The following PASD1 variants were observed in gnomAD, a reference collection of about 807,000 sequenced individuals.
PASD1 encodes circadian clock protein PASD1.
Under a neutral mutation model 58.8 loss-of-function variants are expected in PASD1, and 13 were observed. The observed-to-expected ratio is 0.22, with a 90% CI of 0.14 to 0.35. The LOEUF (loss-of-function observed/expected upper bound fraction) is 0.35, where lower values mean the gene tolerates loss of function less well. PASD1 is among the 10% of genes least tolerant of loss of function. The pLI is 1.00. For synonymous variants in PASD1, 236 were observed against 216.7 expected (o/e 1.09, Z -0.78); for missense variants, 734 against 568.3 (o/e 1.29, Z -2.96).
At chrX:151,581,962 T>TTGAATC (rs1397746039) in intron 1 of PASD1, among the ~76,000 whole-genome samples, 3 of 102,206 alleles carry the variant, frequency 2.9e-5, no homozygotes, top group African/African-American at 1.1e-4. Context: ...TAATATGTCC[T>TTGAATC]TGAATCTTTT....
chrX:151,653,778 C>CTT (rs2014175800), intron 9 of PASD1, among the ~76,000 whole-genome samples: 1 of 13,937 alleles, frequency 7.2e-5, no homozygotes, highest in East Asian at 3.9e-3. Context: ...TTCTTTCTTT[C>CTT]TTTCTTTCTT....
At chrX:151,573,631 A>G (rs1299166440) in intron 1 of PASD1, among the ~76,000 whole-genome samples, 1 of 112,662 alleles carries the variant, frequency 8.9e-6, no homozygotes, top group Non-Finnish European at 1.9e-5. Flanking sequence ...ATTGGAGAAG[A>G]TGCTTTGGGG....
At position 151,672,232 on chromosome X, in the gene PASD1, TGCGGGAGCA is replaced by T. The variant is rs1198337866; in HGVS notation, c.1490_1498del (p.Arg497_Gln499del). On this transcript the variant is annotated inframe_deletion, in exon 14 of 16. Transcript: ENST00000370357. ...CACCTGAAGGAGCAGCAGCGGCAGC[TGCGGGAGCA>T]GCTGCAACAGCTGAGAGAGCAAAGG... is the stretch of plus-strand genomic sequence containing the variant. The T allele has an allele frequency of 2.4e-5, 27 of 1,138,000 alleles. No homozygotes were observed. The highest frequency in any genetic ancestry group is 6.6e-5 in the East Asian group (2 of 30,395). The allele number at this position is 1,138,000 out of a possible 1,213,427, so 93.8% of individuals were successfully genotyped here.
At position 151,674,582 on chromosome X, in the gene PASD1, A is replaced by C. The variant is rs759552232; in HGVS notation, c.2175+396A>C. Among the ~76,000 whole-genome samples, 310 of 112,685 alleles carry C rather than the reference A, an allele frequency of 2.8e-3. 3 individuals are homozygous for C. The highest frequency in any genetic ancestry group is 4.4e-3 in the Non-Finnish European group (237 of 53,301). On this transcript the variant is annotated intron_variant, in intron 15 of 15. Coordinates refer to ENST00000370357, the MANE Select transcript of PASD1 (RefSeq NM_173493.3). ...GTAGGTATGTTTCCTTGTACTAAAA[A>C]TAAACTTAGGGCCCCTCTGTTGAAT...
chrX:151,669,640 G>A lies in PASD1; in HGVS notation c.1072-1398G>A, dbSNP rs767311773. Among the ~76,000 whole-genome samples, 7 of 111,440 alleles carry A rather than the reference G, an allele frequency of 6.3e-5. No individual in the cohort carries two copies. In the East Asian group the frequency reaches 2.0e-3, roughly 31 times the overall value. On this transcript the variant is annotated intron_variant, in intron 11 of 15. Coordinates refer to ENST00000370357, the MANE Select transcript of PASD1 (RefSeq NM_173493.3). ...AACTTTCACATATGAGTGAGAACATGTGATATTTGTCTTTCTGTACCTGGC... is the reference window on the plus strand; with the variant it reads ...AACTTTCACATATGAGTGAGAACATATGATATTTGTCTTTCTGTACCTGGC...
At chrX:151,639,298 T>C (rs2013969684) in intron 8 of PASD1, among the ~76,000 whole-genome samples, 1 of 112,456 alleles carries the variant, frequency 8.9e-6, no homozygotes, top group African/African-American at 3.2e-5. Context: ...CTTATTACAA[T>C]TTTTAACTTT....
chrX:151,657,020 G>C (rs1167360206), intron 9 of PASD1, among the ~76,000 whole-genome samples: 1 of 111,568 alleles, frequency 9.0e-6, no homozygotes, highest in Non-Finnish European at 1.9e-5. Context: ...TTATTATTTT[G>C]AGATACGTCC....
intron 9 of PASD1, among the ~76,000 whole-genome samples, chrX:151,653,868 C>CTCTTTCTTTCTTTCTTTCT (rs2014193249): frequency 6.1e-5 from 1 of 16,462 alleles, no homozygotes; most frequent in African/African-American, 2.2e-4. Flanking sequence ...CCCTCCCTCC[C>CTCTTTCTTTCTTTCTTTCT]TCTTTCTTTC....
At chrX:151,650,884 G>A (rs7061481) in intron 9 of PASD1, among the ~76,000 whole-genome samples, 2,192 of 111,157 alleles carry the variant, frequency 0.02, 20 homozygotes, top group African/African-American at 0.041. Flanking sequence ...TTGAGATTGA[G>A]GTGAGAGTAT....
Position 151,674,078 on chromosome X carries a change from C to T in PASD1, c.2067C>T (p.Tyr689=). The T allele has an allele frequency of 1.2e-5, 15 of 1,211,920 alleles. No homozygotes were observed. The highest frequency in any genetic ancestry group is 1.7e-5 in the Non-Finnish European group (15 of 895,380). Residue 689 remains tyrosine, a synonymous_variant, in exon 15 of 16, where the codon TAC becomes TAT. Coordinates refer to ENST00000370357, the MANE Select transcript of PASD1 (RefSeq NM_173493.3). ...GCACCCTGGAGACCCCACAGGATTA[C>T]ATCCGGCTTTGGCAAGAGTTGTCTG... ...TISTLETPQD[Y]IRLWQELSDS...
intron 1 of PASD1, among the ~76,000 whole-genome samples, chrX:151,601,169 T>G (rs1320082604): frequency 3.6e-5 from 4 of 112,593 alleles, no homozygotes; most frequent in Non-Finnish European, 5.6e-5. Context: ...TTAAATGAAT[T>G]TAAGGGTATG....
At chrX:151,655,623 C>T (rs1467966219) in intron 9 of PASD1, among the ~76,000 whole-genome samples, 1 of 112,171 alleles carries the variant, frequency 8.9e-6, no homozygotes, top group African/African-American at 3.2e-5. Context: ...TGCATTTTTT[C>T]ATGTGTCTTT....
chrX:151,585,597 G>A (rs999788501), intron 1 of PASD1, among the ~76,000 whole-genome samples: 2 of 111,064 alleles, frequency 1.8e-5, no homozygotes, highest in Non-Finnish European at 3.8e-5. Context: ...GAGCAGGCAA[G>A]TGTGAGTGAT....
intron 1 of PASD1, among the ~76,000 whole-genome samples, chrX:151,591,767 T>C (rs2013252561): frequency 1.8e-5 from 2 of 111,230 alleles, no homozygotes; most frequent in Non-Finnish European, 3.8e-5. Context: ...GGATTTTGAG[T>C]GTGTGCTCTG....
At chrX:151,617,469 A>G (rs142477749) in intron 4 of PASD1, among the ~76,000 whole-genome samples, 1,710 of 111,642 alleles carry the variant, frequency 0.015, 12 homozygotes, top group Non-Finnish European at 0.022. Context: ...TTTTTCAACT[A>G]ATGAAAGAAC....
intron 1 of PASD1, among the ~76,000 whole-genome samples, chrX:151,597,770 G>T (rs143893981): frequency 9.0e-6 from 1 of 110,814 alleles, no homozygotes; most frequent in Non-Finnish European, 1.9e-5. Flanking sequence ...TCACTCAGTC[G>T]CCTAGGCTGG....
chrX:151,648,799 G>A, intron 9 of PASD1, 97 bp downstream of exon 9: 1 of 951,069 alleles, frequency 1.1e-6, no homozygotes, highest in Admixed American at 2.5e-5. Context: ...TATGTCATAT[G>A]GATGTGACAC....
At position 151,655,683 on chromosome X, in the gene PASD1, C is replaced by G. The variant is rs765502996; in HGVS notation, c.718-4030C>G. ...AGAAGTGTCTGTTCATATCCTTTGC[C>G]CACTTGTTGATGGGGCTGTTTGTTT... On this transcript the variant is annotated intron_variant, in intron 9 of 15. Transcript: ENST00000370357. Among the ~76,000 whole-genome samples, 21 of 111,809 alleles carry G rather than the reference C, an allele frequency of 1.9e-4. No homozygotes were observed. The East Asian group carries it at 5.9e-3, about 31-fold the overall frequency.
At position 151,672,385 on chromosome X, in the gene PASD1, A is replaced by G. The variant is rs2014489471; in HGVS notation, c.1640A>G (p.Lys547Arg). The G allele has an allele frequency of 8.3e-7, 1 of 1,207,063 alleles. No homozygotes were observed. Among genetic ancestry groups the G allele is most frequent in the Middle Eastern group, 2.4e-4 (1 of 4,187 alleles). The change falls in exon 14 of 16, where the codon AAG becomes AGG. Residue 547 changes from lysine (K) to arginine (R), a missense_variant. Physicochemically the swap from Lys to Arg is conservative, Grantham distance 26 (BLOSUM62 2). Transcript: ENST00000370357. ...RQKKKKLQER[K>R]KWQGQMLQKE... ...AAGAAGAAGAAGCTACAGGAGCGGA[A>G]GAAGTGGCAGGGGCAGATGCTACAG...
Sources: gnomAD v4.1 joint callset for allele counts (sites outside exome capture counted in the v4.1 genomes callset) on GRCh38, gnomAD v4.1.1 for gene constraint, MANE v1.5 for transcripts, NCBI Gene and HGNC (gene_info 2026-07-23, HGNC 2026-07-21) for gene names.